Variants in USP32 observed in about 807,000 individuals in gnomAD.
USP32 encodes ubiquitin carboxyl-terminal hydrolase 32.
A neutral mutation model predicts 204.8 loss-of-function variants in USP32; 59 were observed. The observed-to-expected ratio is 0.29, with a 90% CI of 0.23 to 0.36. The LOEUF is 0.36. USP32 is among the 10% of genes least tolerant of loss of function. USP32 has a pLI of 1.00. For missense variants in USP32, 1,160 were observed against 1,946.4 expected (o/e 0.60, Z 7.60); for synonymous variants, 517 against 678.4 (o/e 0.76, Z 3.70).
chr17:60,184,414 A>G (rs1459342715), intron 30 of USP32, among the ~76,000 whole-genome samples: 1 of 152,050 alleles, frequency 6.6e-6, no homozygotes, highest in South Asian at 2.1e-4. Flanking sequence ...CTAACAACCA[A>G]TGTTATTAAT....
chr17:60,242,334 C>A (rs1268393912), intron 11 of USP32, among the ~76,000 whole-genome samples: 2 of 152,038 alleles, frequency 1.3e-5, no homozygotes, highest in Non-Finnish European at 2.9e-5. Context: ...TCAGTCCTTT[C>A]TCTACTGAAT....
At chr17:60,410,823 A>G (rs59129831) in intron 1 of USP32, among the ~76,000 whole-genome samples, 50,666 of 151,174 alleles carry the variant, frequency 0.34, 15,300 homozygotes, top group African/African-American at 0.81. Flanking sequence ...GCTCACGCCT[A>G]TAATCTCAGC....
chr17:60,241,431 ATTAT>A (rs1210232312), intron 11 of USP32, among the ~76,000 whole-genome samples: 11 of 142,610 alleles, frequency 7.7e-5, no homozygotes, highest in Non-Finnish European at 1.5e-4. Context: ...TTAAAAAATT[ATTAT>A]TTTTTTTATA....
At chr17:60,361,698 CCTAT>C (rs569645919) in intron 1 of USP32, among the ~76,000 whole-genome samples, 23 of 152,232 alleles carry the variant, frequency 1.5e-4, no homozygotes, top group African/African-American at 5.1e-4. Flanking sequence ...TCCTGTATAG[CCTAT>C]CTAAGGGTAG....
At chr17:60,322,589 C>T (rs2088140698) in intron 2 of USP32, among the ~76,000 whole-genome samples, 1 of 151,856 alleles carries the variant, frequency 6.6e-6, no homozygotes, top group Non-Finnish European at 1.5e-5. Flanking sequence ...AAAAAAGGGT[C>T]AAGATTAGAA....
rs370632718 is a variant in USP32, at chr17:60,236,113, G to A, written c.1239+25C>T. 8.4e-5 allele frequency: 134 copies of A among 1,589,196 alleles called. No homozygotes were observed. The Middle Eastern group carries it at 1.3e-3, about 16-fold the overall frequency. On this transcript the variant is annotated intron_variant, in intron 12 of 33. Coordinates refer to ENST00000300896, the MANE Select transcript of USP32 (RefSeq NM_032582.4). Reference sequence around the variant, plus strand: ...CGCAGCTGAAAATCCTGTGAAAAATGTAAATAGACAGGAATCTAACTCACG... The same window carrying A: ...CGCAGCTGAAAATCCTGTGAAAAATATAAATAGACAGGAATCTAACTCACG...
chr17:60,391,064 A>G (rs1204260973), intron 1 of USP32, among the ~76,000 whole-genome samples: 1 of 152,198 alleles, frequency 6.6e-6, no homozygotes, highest in Non-Finnish European at 1.5e-5. Context: ...AGAGCCAATA[A>G]GCAGCAGGCC....
intron 1 of USP32, among the ~76,000 whole-genome samples, chr17:60,363,430 G>A (rs1025868416): frequency 6.8e-6 from 1 of 147,544 alleles, no homozygotes; most frequent in Non-Finnish European, 1.5e-5. Flanking sequence ...ACTTCGGCCT[G>A]GGTGACAGAG....
At chr17:60,243,573 G>A (rs1446277352) in intron 11 of USP32, among the ~76,000 whole-genome samples, 2 of 152,152 alleles carry the variant, frequency 1.3e-5, no homozygotes, top group Non-Finnish European at 2.9e-5. Context: ...TGTTATTTAT[G>A]TACACTGAAA....
At chr17:60,277,693 A>C (rs756128700) in intron 5 of USP32, among the ~76,000 whole-genome samples, 3 of 152,234 alleles carry the variant, frequency 2.0e-5, no homozygotes, top group Non-Finnish European at 4.4e-5. Context: ...AAGTCCCATC[A>C]CCAAAATTAG....
At chr17:60,279,406 G>A (rs1028097126) in intron 5 of USP32, among the ~76,000 whole-genome samples, 10 of 151,638 alleles carry the variant, frequency 6.6e-5, no homozygotes, top group Non-Finnish European at 7.4e-5. Flanking sequence ...GATCCCTTGA[G>A]CCTGGGAGGT....
At chr17:60,281,837 G>C (rs1467217012) in intron 5 of USP32, among the ~76,000 whole-genome samples, 2 of 152,164 alleles carry the variant, frequency 1.3e-5, no homozygotes, top group South Asian at 2.1e-4. Context: ...GGTCTGTAAA[G>C]TACAAAGTCC....
chr17:60,303,159 A>G (rs1373956352), intron 2 of USP32, among the ~76,000 whole-genome samples: 1 of 152,238 alleles, frequency 6.6e-6, no homozygotes, highest in Non-Finnish European at 1.5e-5. Context: ...GAACATTAAA[A>G]GTATTTTTTA....
Position 60,345,335 on chromosome 17 carries a change from T to A in USP32, c.186+146A>T, listed in dbSNP as rs2088760182. 6 of 1,149,512 alleles carry A rather than the reference T, an allele frequency of 5.2e-6. No homozygotes were observed. In the East Asian group the frequency reaches 1.2e-4, roughly 23 times the overall value. 71.2% of individuals were successfully genotyped at this position (1,149,512 alleles called of 1,614,324 possible). A position where few individuals can be genotyped will look rare whatever the true frequency, so the allele number is the denominator to read the frequency against. On this transcript the variant is annotated intron_variant, in intron 2 of 33. Coordinates refer to ENST00000300896, the MANE Select transcript of USP32 (RefSeq NM_032582.4). ...CTCTAAGAACACAGCCACGTTGACA[T>A]CTAAAACAAAACATTGTTTACCCAC... is the stretch of plus-strand genomic sequence containing the variant.
intron 5 of USP32, among the ~76,000 whole-genome samples, chr17:60,287,591 T>C (rs2087148870): frequency 6.6e-6 from 1 of 152,092 alleles, no homozygotes; most frequent in Non-Finnish European, 1.5e-5. Flanking sequence ...CAGACCCAAT[T>C]GCGATTCTAT....
chr17:60,268,063 G>A (rs2086639532), intron 7 of USP32, among the ~76,000 whole-genome samples: 1 of 151,994 alleles, frequency 6.6e-6, no homozygotes, highest in South Asian at 2.1e-4. Flanking sequence ...CACCTGCCTC[G>A]GCCTCCCAAA....
intron 1 of USP32, among the ~76,000 whole-genome samples, chr17:60,366,261 C>T (rs1034894772): frequency 6.6e-6 from 1 of 151,996 alleles, no homozygotes; most frequent in Admixed American, 6.6e-5. Context: ...GGAGTTCAAG[C>T]GATTCTCCTG....
chr17:60,271,600 A>C (rs2086726204), intron 5 of USP32, 119 bp from the exon 6 acceptor site: 1 of 1,046,446 alleles, frequency 9.6e-7, no homozygotes, highest in Non-Finnish European at 1.3e-6. Context: ...ATTGCTAAAA[A>C]ATAATCACGA....
At chr17:60,411,461 C>T (rs1242038713) in intron 1 of USP32, among the ~76,000 whole-genome samples, 1 of 133,460 alleles carries the variant, frequency 7.5e-6, no homozygotes, top group Non-Finnish European at 1.5e-5. Context: ...CAGTTTGAGC[C>T]GTGATTGTAC....
Sources: allele counts gnomAD v4.1 joint callset (sites outside exome capture counted in the v4.1 genomes callset), GRCh38; gene constraint gnomAD v4.1.1; transcripts MANE v1.5; gene names NCBI Gene and HGNC (gene_info 2026-07-23, HGNC 2026-07-21).